Variants in ADAMTS9 observed in about 807,000 individuals in gnomAD.
ADAMTS9 encodes ADAM metallopeptidase with thrombospondin type 1 motif 9, also known as A disintegrin and metalloproteinase with thrombospondin motifs 9.
A neutral mutation model predicts 257.1 loss-of-function variants in ADAMTS9; 107 were observed. That is an observed-to-expected ratio of 0.42 (90% confidence interval 0.36 to 0.49). The LOEUF is 0.49. Ranked by LOEUF, ADAMTS9 falls within the 20% of genes least tolerant of loss-of-function variation. The probability of loss-of-function intolerance (pLI) is 0.03; values close to 1 mark genes in which losing one functional copy is unlikely to be tolerated. For missense variants in ADAMTS9, 2,353 were observed against 2,469.1 expected (o/e 0.95, Z 1.00); for synonymous variants, 982 against 880.9 (o/e 1.11, Z -2.03).
chr3:64,596,797 C>A, intron 27 of ADAMTS9, 33 bp downstream of exon 27: 1 of 1,611,504 alleles, frequency 6.2e-7, no homozygotes, highest in Non-Finnish European at 8.5e-7. Context: ...AACACAATTC[C>A]TCTGTATTTA....
chr3:64,525,825 G>T (rs1015604804), intron 38 of ADAMTS9, among the ~76,000 whole-genome samples: 1 of 151,450 alleles, frequency 6.6e-6, no homozygotes, highest in African/African-American at 2.4e-5. Flanking sequence ...TGGCCAGACT[G>T]GTCTCGAACT....
At chr3:64,598,110 T>C (rs986914737) in intron 26 of ADAMTS9, among the ~76,000 whole-genome samples, 3 of 152,208 alleles carry the variant, frequency 2.0e-5, no homozygotes, top group Admixed American at 6.5e-5. Context: ...TTAATTTCCC[T>C]GCCCATGCTG....
At chr3:64,649,883 A>G in intron 9 of ADAMTS9, 105 bp from the exon 10 acceptor site, 1 of 1,345,842 alleles carries the variant, frequency 7.4e-7, no homozygotes, top group Non-Finnish European at 1.0e-6. Flanking sequence ...TAGAGAGGAC[A>G]GTTACTTTTT....
intron 19 of ADAMTS9, among the ~76,000 whole-genome samples, chr3:64,618,563 G>C: frequency 6.6e-6 from 1 of 152,246 alleles, no homozygotes; most frequent in South Asian, 2.1e-4. Flanking sequence ...CCCTAGTTGC[G>C]TGCTTCACTA....
intron 3 of ADAMTS9, among the ~76,000 whole-genome samples, chr3:64,663,229 T>C (rs1401377932): frequency 6.6e-6 from 1 of 152,126 alleles, no homozygotes; most frequent in Non-Finnish European, 1.5e-5. Context: ...CATTAAACTG[T>C]ACAGTTTAAA....
chr3:64,667,522 T>C (rs1701377995), intron 3 of ADAMTS9, among the ~76,000 whole-genome samples: 1 of 152,240 alleles, frequency 6.6e-6, no homozygotes, highest in East Asian at 1.9e-4. Flanking sequence ...TCTTGGCTTT[T>C]AAGGGGCGGT....
At chr3:64,531,646 T>A (rs1045747624) in intron 38 of ADAMTS9, among the ~76,000 whole-genome samples, 1 of 152,124 alleles carries the variant, frequency 6.6e-6, no homozygotes, top group Non-Finnish European at 1.5e-5. Context: ...TTTAAAGTTT[T>A]TGCAAAACCA....
intron 12 of ADAMTS9, among the ~76,000 whole-genome samples, chr3:64,638,813 T>C (rs939096463): frequency 1.3e-5 from 2 of 152,006 alleles, no homozygotes; most frequent in South Asian, 2.1e-4. Context: ...CTTAAGAATA[T>C]ACTATAAAGT....
At position 64,665,426 on chromosome 3, in the gene ADAMTS9, C is replaced by A. The variant is rs9874777; in HGVS notation, c.680-6635G>T. ...TTACAATGTGGAGTAAGAACAGTAC[C>A]TATTTCATAGAGTGGCTTTGAGGAA... On this transcript the variant is annotated intron_variant, in intron 3 of 39. Coordinates refer to ENST00000498707, the MANE Select transcript of ADAMTS9 (RefSeq NM_182920.2). Among the ~76,000 whole-genome samples, 3 of 152,156 alleles carry A rather than the reference C, an allele frequency of 2.0e-5. 1 individual carries two copies. Among genetic ancestry groups the A allele is most frequent in the South Asian group, 4.1e-4 (2 of 4,824 alleles).
chr3:64,584,157 T>G (rs913531721), intron 28 of ADAMTS9: 6 of 152,118 alleles, frequency 3.9e-5, no homozygotes, highest in Admixed American at 3.9e-4. Context: ...CAGCACACAT[T>G]TTTGGGAAAA....
At chr3:64,647,521 G>A (rs1700827369) in intron 11 of ADAMTS9, among the ~76,000 whole-genome samples, 1 of 152,162 alleles carries the variant, frequency 6.6e-6, no homozygotes, top group African/African-American at 2.4e-5. Flanking sequence ...AGTAGTACCT[G>A]CAATAGATGT....
At chr3:64,541,461 AATGAGAGCGGTGATCACT>A in intron 34 of ADAMTS9, 47 bp from the exon 35 acceptor site, 1 of 1,607,886 alleles carries the variant, frequency 6.2e-7, no homozygotes. Flanking sequence ...GAAATGAGGT[AATGAGAGCGGTGATCACT>A]CACTCTAAAA....
chr3:64,564,618 TG>T (rs148495610), intron 29 of ADAMTS9, among the ~76,000 whole-genome samples: 3 of 151,542 alleles, frequency 2.0e-5, no homozygotes, highest in Middle Eastern at 3.4e-3. Context: ...TTTTTGTGTG[TG>T]GGGGGGGCGT....
At chr3:64,667,169 CTA>C (rs776030669) in intron 3 of ADAMTS9, among the ~76,000 whole-genome samples, 2 of 152,168 alleles carry the variant, frequency 1.3e-5, no homozygotes, top group African/African-American at 2.4e-5. Context: ...CCTTTATAAA[CTA>C]TGTTTCCATG....
chr3:64,650,867 CTTT>C (rs35102734), intron 9 of ADAMTS9, 147 bp downstream of exon 9: 18,871 of 465,658 alleles, frequency 0.041, no homozygotes, highest in Middle Eastern at 0.049. Context: ...TGTCAGAGAG[CTTT>C]TTTTTTTTTT....
intron 37 of ADAMTS9, among the ~76,000 whole-genome samples, chr3:64,536,684 C>T (rs190077700): frequency 6.6e-6 from 1 of 152,308 alleles, no homozygotes; most frequent in East Asian, 1.9e-4. Flanking sequence ...AAAAAGGAGG[C>T]ATTTTCATAG....
chr3:64,566,248 T>C (rs1410163605), intron 29 of ADAMTS9, among the ~76,000 whole-genome samples: 2 of 152,192 alleles, frequency 1.3e-5, no homozygotes, highest in Non-Finnish European at 2.9e-5. Flanking sequence ...ATGCAGACCG[T>C]CTTTCTCCAT....
chr3:64,541,576 C>T lies in ADAMTS9; in HGVS notation c.5242G>A (p.Ala1748Thr), dbSNP rs2083122477. ...AGGAAATATTCACCATCTTCACTGG[C>T]ACCTTTAAGTCTTTTTACCTCCTTG... ...NCKEVKRLKG[A>T]SEDGEYFLMI... The change falls in exon 34 of 40, where the codon GCC becomes ACC. Residue 1748 changes from alanine (A) to threonine (T), a missense_variant. By Grantham distance (58) the Ala-to-Thr change is moderately conservative. Around this residue, in one of 3 missense-constraint regions of ADAMTS9, gnomAD observed 1,402 missense variants for 1,441.4 expected, o/e 0.97. Transcript: ENST00000498707. 2 of 1,614,036 alleles carry T rather than the reference C, an allele frequency of 1.2e-6. No individual in the cohort carries two copies. Among genetic ancestry groups the T allele is most frequent in the Non-Finnish European group, 1.7e-6 (2 of 1,180,032 alleles).
chr3:64,593,926 GTC>G (rs2084307924), intron 28 of ADAMTS9, among the ~76,000 whole-genome samples: 1 of 147,398 alleles, frequency 6.8e-6, no homozygotes, highest in South Asian at 2.2e-4. Context: ...CTATTGAGTT[GTC>G]TGTTAAAATC....
Sources: allele counts gnomAD v4.1 joint callset (sites outside exome capture counted in the v4.1 genomes callset), GRCh38; gene constraint gnomAD v4.1.1; regional missense constraint gnomAD v4.1.1; transcripts MANE v1.5; gene names NCBI Gene and HGNC (gene_info 2026-07-23, HGNC 2026-07-21).